Variants in CDH4 observed in about 807,000 individuals in gnomAD.
The protein encoded by CDH4 is cadherin-4.
CDH4 carries 33 observed loss-of-function variants against 86.0 expected under a neutral mutation model. The observed-to-expected ratio is 0.38, with a 90% CI of 0.29 to 0.51. The LOEUF (loss-of-function observed/expected upper bound fraction) is 0.51. Ranked by LOEUF, CDH4 falls within the 20% of genes least tolerant of loss-of-function variation. The pLI, the probability that CDH4 is intolerant of heterozygous loss-of-function variation, is 0.86. For synonymous variants in CDH4, 555 were observed against 549.4 expected (o/e 1.01, Z -0.14); for missense variants, 1,114 against 1,307.4 (o/e 0.85, Z 2.28).
intron 2 of CDH4, among the ~76,000 whole-genome samples, chr20:61,472,421 G>T (rs1294272064): frequency 6.6e-6 from 1 of 152,026 alleles, no homozygotes; most frequent in Non-Finnish European, 1.5e-5. Context: ...TGTGCTTTAT[G>T]GTTGTTTTGT....
Position 61,269,751 on chromosome 20 carries a change from A to T in CDH4, c.169+14814A>T, listed in dbSNP as rs565195399. Among the ~76,000 whole-genome samples, 1 of 152,066 alleles carries T rather than the reference A, an allele frequency of 6.6e-6. No homozygotes were observed. The highest frequency in any genetic ancestry group is 2.1e-4 in the South Asian group (1 of 4,816). ...TGTGAAGTGACCTGCCTGGCTGCTGATATTTGGGAAAGGTGAGTTGCTCTC... is the reference window on the plus strand; with the variant it reads ...TGTGAAGTGACCTGCCTGGCTGCTGTTATTTGGGAAAGGTGAGTTGCTCTC... On this transcript the variant is annotated intron_variant, in intron 2 of 15. Transcript: ENST00000614565. The surrounding 1 kb of genome is among the most constrained non-coding windows in gnomAD (Gnocchi z 5.3).
rs563775805 is a variant in CDH4 at position 61,846,115 on chromosome 20, A to G, written c.732+1292A>G. 4.6e-5 allele frequency among the ~76,000 whole-genome samples: 7 copies of G among 152,342 alleles called. No individual in the cohort carries two copies. In the East Asian group the frequency reaches 1.2e-3, roughly 25 times the overall value. On this transcript the variant is annotated intron_variant, in intron 5 of 15. Coordinates refer to ENST00000614565, the MANE Select transcript of CDH4 (RefSeq NM_001794.5). ...CAGCCCCTGAGGCACCGTCTGAAGC[A>G]GGGTCGGAGCTGGATGGATCCTGGG...
intron 2 of CDH4, among the ~76,000 whole-genome samples, chr20:61,597,707 G>T (rs991960041): frequency 2.6e-5 from 4 of 152,214 alleles, no homozygotes; most frequent in Admixed American, 6.5e-5. Context: ...TTCAGCAGGG[G>T]TGCGCCTTCA....
chr20:61,584,340 T>A (rs1600781860), intron 2 of CDH4, among the ~76,000 whole-genome samples: 1 of 152,298 alleles, frequency 6.6e-6, no homozygotes, highest in East Asian at 1.9e-4. Flanking sequence ...CAGATCAATA[T>A]TGAGAAGGTC....
intron 2 of CDH4, among the ~76,000 whole-genome samples, chr20:61,322,907 T>A (rs1192644950): frequency 6.6e-6 from 1 of 152,212 alleles, no homozygotes; most frequent in East Asian, 1.9e-4. Context: ...ATCCCTGGTG[T>A]CCCCTTTTAT....
intron 7 of CDH4, among the ~76,000 whole-genome samples, chr20:61,887,874 C>A (rs190136709): frequency 1.0e-3 from 155 of 152,304 alleles, no homozygotes; most frequent in African/African-American, 3.4e-3. Flanking sequence ...TGAGAGCAGC[C>A]TGGGGACCCT....
Position 61,325,675 on chromosome 20 carries a change from C to T in CDH4, c.169+70738C>T, listed in dbSNP as rs533689501. ...CTTGGGGGGGCCACAGCAAAGCGGG[C>T]CCCGACAGGAAGGGTTGAAAATGCC... On this transcript the variant is annotated intron_variant, in intron 2 of 15. Coordinates refer to ENST00000614565, the MANE Select transcript of CDH4 (RefSeq NM_001794.5). Among the ~76,000 whole-genome samples, 9 of 152,018 alleles carry T rather than the reference C, an allele frequency of 5.9e-5. No individual in the cohort carries two copies. The South Asian group carries it at 1.9e-3, about 32-fold the overall frequency.
chr20:61,822,449 C>G (rs1201108965), intron 4 of CDH4, among the ~76,000 whole-genome samples: 1 of 152,200 alleles, frequency 6.6e-6, no homozygotes, highest in African/African-American at 2.4e-5. Flanking sequence ...GCAGATACAC[C>G]TGTAGTTCCC....
chr20:61,508,915 A>C (rs1600719457), intron 2 of CDH4, among the ~76,000 whole-genome samples: 1 of 152,084 alleles, frequency 6.6e-6, no homozygotes, highest in Admixed American at 6.5e-5. Context: ...CCCCCTCCCC[A>C]CTCTGCCTCC....
chr20:61,460,622 G>T (rs1483054028), intron 2 of CDH4, among the ~76,000 whole-genome samples: 1 of 152,214 alleles, frequency 6.6e-6, no homozygotes, highest in Non-Finnish European at 1.5e-5. Context: ...ATGCACGGAG[G>T]CGTCCCTAAG....
At chr20:61,257,423 A>G (rs1447092798) in intron 2 of CDH4, among the ~76,000 whole-genome samples, 9 of 152,402 alleles carry the variant, frequency 5.9e-5, no homozygotes, top group Admixed American at 3.9e-4. Context: ...CCAATAGGGT[A>G]GCAAATACTA....
intron 2 of CDH4, among the ~76,000 whole-genome samples, chr20:61,432,088 T>C (rs1191484510): frequency 6.6e-6 from 1 of 152,220 alleles, no homozygotes; most frequent in Non-Finnish European, 1.5e-5. Context: ...GTACTGTGAA[T>C]AAAGCTGCTG....
intron 2 of CDH4, among the ~76,000 whole-genome samples, chr20:61,689,461 A>G (rs1447876642): frequency 8.1e-3 from 275 of 34,066 alleles, no homozygotes; most frequent in Non-Finnish European, 9.0e-3. Context: ...TGGTTGGTGA[A>G]GTGATGTGGA....
chr20:61,779,794 A>G (rs1156853564), intron 4 of CDH4, among the ~76,000 whole-genome samples: 2 of 152,214 alleles, frequency 1.3e-5, no homozygotes, highest in African/African-American at 4.8e-5. Flanking sequence ...CCCGAGATGC[A>G]CGGCCAAGGT....
intron 2 of CDH4, among the ~76,000 whole-genome samples, chr20:61,426,597 A>C (rs2085216660): frequency 6.6e-6 from 1 of 152,228 alleles, no homozygotes; most frequent in Non-Finnish European, 1.5e-5. Context: ...ATAGCTCCCA[A>C]TTATGATTGT....
At chr20:61,291,649 G>C (rs576093290) in intron 2 of CDH4, among the ~76,000 whole-genome samples, 1 of 151,226 alleles carries the variant, frequency 6.6e-6, no homozygotes. Flanking sequence ...CCAAACATGC[G>C]GGCACCCGCG....
chr20:61,846,679 T>C (rs765273027), intron 5 of CDH4, among the ~76,000 whole-genome samples: 11 of 152,144 alleles, frequency 7.2e-5, no homozygotes, highest in Non-Finnish European at 1.3e-4. Context: ...AGAGACTTGA[T>C]ACAAGTCTTG....
chr20:61,651,568 C>T (rs1315849253), intron 2 of CDH4, among the ~76,000 whole-genome samples: 2 of 152,188 alleles, frequency 1.3e-5, no homozygotes, highest in Non-Finnish European at 2.9e-5. Flanking sequence ...CTCACACCTG[C>T]ACCGGGACTC....
At chr20:61,261,526 G>A (rs568875709) in intron 2 of CDH4, among the ~76,000 whole-genome samples, 64 of 152,314 alleles carry the variant, frequency 4.2e-4, no homozygotes, top group African/African-American at 1.5e-3. Flanking sequence ...CCCTTCCAGG[G>A]AGGTAAAATT....
Sources: allele counts gnomAD v4.1 joint callset (sites outside exome capture counted in the v4.1 genomes callset), GRCh38; gene constraint gnomAD v4.1.1; non-coding constraint Gnocchi (gnomAD v3.1); transcripts MANE v1.5; gene names NCBI Gene and HGNC (gene_info 2026-07-23, HGNC 2026-07-21).